The following KCND2 variants were observed in gnomAD, a reference collection of about 807,000 sequenced individuals.
KCND2 encodes A-type voltage-gated potassium channel KCND2.
Under a neutral mutation model 54.4 loss-of-function variants are expected in KCND2, and 16 were observed. The ratio of observed to expected loss-of-function variants is 0.29; its 90% CI spans 0.20 to 0.45. The LOEUF (loss-of-function observed/expected upper bound fraction) is 0.45, where lower values mean the gene tolerates loss of function less well. KCND2 is among the 20% of genes least tolerant of loss of function. KCND2 has a pLI of 1.00. For missense variants in KCND2, 486 were observed against 824.2 expected (o/e 0.59, Z 5.02); for synonymous variants, 317 against 310.7 (o/e 1.02, Z -0.21).
intron 1 of KCND2, among the ~76,000 whole-genome samples, chr7:120,462,141 A>C (rs755694022): frequency 1.3e-5 from 2 of 151,158 alleles, no homozygotes; most frequent in Non-Finnish European, 2.9e-5. Flanking sequence ...TGATTTCATT[A>C]GTGTTATTTC....
chr7:120,706,822 G>A (rs78466408), intron 1 of KCND2, among the ~76,000 whole-genome samples: 9,179 of 152,164 alleles, frequency 0.06, 776 homozygotes, highest in East Asian at 0.42. Flanking sequence ...TTTTCAGGCT[G>A]TATACTTAGT....
chr7:120,726,435 A>C (rs1211020921), intron 1 of KCND2, among the ~76,000 whole-genome samples: 3 of 152,152 alleles, frequency 2.0e-5, no homozygotes, highest in African/African-American at 7.2e-5. Flanking sequence ...AAATCCATGA[A>C]TAACATAGAT....
chr7:120,557,994 T>C (rs1339731193), intron 1 of KCND2, among the ~76,000 whole-genome samples: 1 of 152,176 alleles, frequency 6.6e-6, no homozygotes, highest in East Asian at 1.9e-4. Flanking sequence ...ATTGGCTAAC[T>C]TTCTGCAACC....
intron 1 of KCND2, among the ~76,000 whole-genome samples, chr7:120,725,862 A>C (rs747629336): frequency 3.3e-5 from 5 of 152,178 alleles, no homozygotes; most frequent in Non-Finnish European, 4.4e-5. Flanking sequence ...ATATGAAAAC[A>C]TATAGTATCA....
intron 1 of KCND2, among the ~76,000 whole-genome samples, chr7:120,351,423 C>CTG (rs1800404138): frequency 1.3e-5 from 2 of 150,662 alleles, no homozygotes; most frequent in Non-Finnish European, 3.0e-5. Context: ...CTCTCTCTCT[C>CTG]TCTCTCTCTC....
At chr7:120,704,473 A>C (rs1792441369) in intron 1 of KCND2, among the ~76,000 whole-genome samples, 1 of 152,258 alleles carries the variant, frequency 6.6e-6, no homozygotes, top group South Asian at 2.1e-4. Context: ...TTTTCTTCAA[A>C]GGCAATTCCT....
intron 1 of KCND2, among the ~76,000 whole-genome samples, chr7:120,622,617 G>A (rs1199112709): frequency 1.3e-5 from 2 of 149,962 alleles, no homozygotes; most frequent in Non-Finnish European, 3.0e-5. Context: ...TTAAGCTAAC[G>A]TCATTACCAT....
At chr7:120,616,515 C>A (rs890158498) in intron 1 of KCND2, among the ~76,000 whole-genome samples, 1 of 152,096 alleles carries the variant, frequency 6.6e-6, no homozygotes, top group African/African-American at 2.4e-5. Flanking sequence ...ACTCTTCAAA[C>A]CTATTCATGT....
chr7:120,630,270 G>A (rs2116513874), intron 1 of KCND2, among the ~76,000 whole-genome samples: 1 of 152,234 alleles, frequency 6.6e-6, no homozygotes, highest in East Asian at 1.9e-4. Context: ...TTAAAATTTT[G>A]GAATTGACCG....
chr7:120,464,061 A>G (rs1802330495), intron 1 of KCND2: 1 of 983,940 alleles, frequency 1.0e-6, no homozygotes, highest in African/African-American at 1.8e-5. Context: ...GCTTTCCAGA[A>G]GAGCATATAC....
At chr7:120,689,409 AG>A (rs912004238) in intron 1 of KCND2, among the ~76,000 whole-genome samples, 1 of 152,222 alleles carries the variant, frequency 6.6e-6, no homozygotes, top group African/African-American at 2.4e-5. Flanking sequence ...TTATATTTAA[AG>A]TAAAATGGTT....
intron 1 of KCND2, among the ~76,000 whole-genome samples, chr7:120,641,442 A>G (rs1426886244): frequency 6.6e-6 from 1 of 152,156 alleles, no homozygotes; most frequent in East Asian, 1.9e-4. Context: ...CTACTCTGTG[A>G]CCTTGTGTAA....
At chr7:120,387,019 AG>A (rs1316506256) in intron 1 of KCND2, among the ~76,000 whole-genome samples, 2 of 152,108 alleles carry the variant, frequency 1.3e-5, no homozygotes, top group African/African-American at 2.4e-5. Context: ...ATTTTTCTTC[AG>A]GATATTTATC....
chr7:120,353,873 C>A (rs1487428333), intron 1 of KCND2, among the ~76,000 whole-genome samples: 1 of 152,144 alleles, frequency 6.6e-6, no homozygotes, highest in African/African-American at 2.4e-5. Flanking sequence ...TGGTACAAAA[C>A]TGTTCTATTC....
chr7:120,570,140 T>C (rs914675323), intron 1 of KCND2, among the ~76,000 whole-genome samples: 1 of 152,162 alleles, frequency 6.6e-6, no homozygotes, highest in African/African-American at 2.4e-5. Context: ...ATCTGCACAA[T>C]AGAAAGAAAT....
At chr7:120,561,012 CA>C (rs1792225906) in intron 1 of KCND2, among the ~76,000 whole-genome samples, 1 of 152,096 alleles carries the variant, frequency 6.6e-6, no homozygotes, top group African/African-American at 2.4e-5. Flanking sequence ...TGCGATTTTG[CA>C]AACAGTAAAA....
In KCND2 at chr7:120,462,420, A is replaced by G. The variant is rs1312707753; in HGVS notation, c.1115+186673A>G. On this transcript the variant is annotated intron_variant, in intron 1 of 5. Coordinates refer to ENST00000331113, the MANE Select transcript of KCND2 (RefSeq NM_012281.3). ...GTACAAATTCTAGATTCTGAGTTTC[A>G]TTCAACTTTGCCTTGAGAGTAAATT... Among the ~76,000 whole-genome samples, 4 of 152,032 alleles carry G rather than the reference A, an allele frequency of 2.6e-5. No homozygotes were observed. In the East Asian group the frequency reaches 7.7e-4, roughly 29 times the overall value.
intron 1 of KCND2, among the ~76,000 whole-genome samples, chr7:120,399,830 A>G (rs904849875): frequency 6.6e-6 from 1 of 151,660 alleles, no homozygotes; most frequent in African/African-American, 2.4e-5. Flanking sequence ...GGTTCAAGCA[A>G]TTCTCCTGCC....
At chr7:120,700,757 T>C (rs557393775) in intron 1 of KCND2, among the ~76,000 whole-genome samples, 77 of 152,348 alleles carry the variant, frequency 5.1e-4, no homozygotes, top group African/African-American at 1.7e-3. Context: ...ATTTGTTCAG[T>C]AAGTATTTAT....
Sources: allele counts gnomAD v4.1 joint callset (sites outside exome capture counted in the v4.1 genomes callset), GRCh38; gene constraint gnomAD v4.1.1; transcripts MANE v1.5; gene names NCBI Gene and HGNC (gene_info 2026-07-23, HGNC 2026-07-21).